The following SSU72 variants were observed in gnomAD, a reference collection of about 807,000 sequenced individuals.
SSU72 encodes the protein SSU72 homolog, RNA polymerase II CTD phosphatase.
A neutral mutation model predicts 22.7 loss-of-function variants in SSU72; 12 were observed. The ratio of observed to expected loss-of-function variants is 0.53; its 90% CI spans 0.34 to 0.86. The LOEUF (loss-of-function observed/expected upper bound fraction) is 0.86. Among genes scored for constraint, SSU72 ranks in the 40% least tolerant of loss-of-function variants. The pLI is 0.02. For missense variants in SSU72, 151 were observed against 249.8 expected, an observed-to-expected ratio of 0.60 and a Z score of 2.67; for synonymous variants, 116 against 98.3, an observed-to-expected ratio of 1.18 and a Z score of -1.06.
At chr1:1,545,166 C>T in intron 2 of SSU72, 164 bp from the exon 3 acceptor site, 1 of 776,486 alleles carries the variant, frequency 1.3e-6, no homozygotes, top group Non-Finnish European at 2.1e-6. Context: ...GCAGGGGCCT[C>T]ACTGTCCTAG....
intron 1 of SSU72, among the ~76,000 whole-genome samples, chr1:1,570,105 T>C (rs910364343): frequency 6.6e-6 from 1 of 151,368 alleles, no homozygotes; most frequent in African/African-American, 2.4e-5. Flanking sequence ...CCCAAATCAA[T>C]AGACAAAGGA....
intron 2 of SSU72, among the ~76,000 whole-genome samples, chr1:1,548,182 C>G (rs991613320): frequency 2.0e-5 from 3 of 152,200 alleles, no homozygotes; most frequent in African/African-American, 7.2e-5. Context: ...TCAGGGACCA[C>G]GTTCAGTAGA....
At position 1,554,797 on chromosome 1, in the gene SSU72, G is replaced by A. The variant is rs1011252008; in HGVS notation, c.225-9795C>T. Among the ~76,000 whole-genome samples the A allele has an allele frequency of 2.6e-5, 4 of 152,178 alleles. No individual in the cohort carries two copies. Among genetic ancestry groups the A allele is most frequent in the Non-Finnish European group, 5.9e-5 (4 of 68,032 alleles). On this transcript the variant is annotated intron_variant, in intron 2 of 4. Transcript: ENST00000291386. The surrounding 1 kb of genome is among the most constrained non-coding windows in gnomAD (Gnocchi z 4.1). ...AGGCACTGGAGCCACGAAAGCAACA[G>A]CCCTGGGCAGCCCAGCACCATCCTG...
rs144739836 is a variant in SSU72, at chr1:1,541,779, C to T, written c.*287G>A. The T allele has an allele frequency of 6.8e-5, 28 of 412,042 alleles. No individual in the cohort carries two copies. The highest frequency in any genetic ancestry group is 3.7e-4 in the African/African-American group (18 of 48,916). The allele number at this position is 412,042 out of a possible 1,614,324, so 25.5% of individuals were successfully genotyped here. ...GGAGGAGGGAGGGAAGGCAGGCACACGAAGACACAGGTATGTCGGGAAGTG... is the reference window on the plus strand; with the variant it reads ...GGAGGAGGGAGGGAAGGCAGGCACATGAAGACACAGGTATGTCGGGAAGTG... On this transcript the variant is annotated 3_prime_UTR_variant, in exon 5 of 5. Coordinates refer to ENST00000291386, the MANE Select transcript of SSU72 (RefSeq NM_014188.3).
chr1:1,571,685 T>C (rs1642733186), intron 1 of SSU72, among the ~76,000 whole-genome samples: 1 of 152,200 alleles, frequency 6.6e-6, no homozygotes, highest in South Asian at 2.1e-4. Flanking sequence ...CTGGCCACTC[T>C]GAACTAAAAA....
intron 1 of SSU72, among the ~76,000 whole-genome samples, chr1:1,573,925 G>A (rs1175696224): frequency 2.6e-5 from 4 of 151,810 alleles, no homozygotes; most frequent in Non-Finnish European, 5.9e-5. Flanking sequence ...CGGCCAGTTA[G>A]CAGGGAATAT....
At chr1:1,553,307 G>A (rs1019257854) in intron 2 of SSU72, among the ~76,000 whole-genome samples, 3 of 151,934 alleles carry the variant, frequency 2.0e-5, no homozygotes, top group African/African-American at 7.3e-5. Flanking sequence ...CTCCACCCCA[G>A]GACATTCCAG....
chr1:1,572,892 G>T (rs75408849), intron 1 of SSU72, among the ~76,000 whole-genome samples: 1 of 112,298 alleles, frequency 8.9e-6, no homozygotes, highest in African/African-American at 3.5e-5. Flanking sequence ...GGGGGGGGGT[G>T]AGCCTTGCAT....
chr1:1,546,808 A>G (rs949630900), intron 2 of SSU72, among the ~76,000 whole-genome samples: 1 of 145,938 alleles, frequency 6.9e-6, no homozygotes, highest in Admixed American at 7.1e-5. Context: ...ACACCACGGC[A>G]CTTCGGCCTG....
rs549525829 is a variant in SSU72 at position 1,552,086 on chromosome 1, G to A, written c.225-7084C>T. The stretch of plus-strand genomic sequence containing the variant: ...GTTCCGACCCGGCACTCTGCTACAC[G>A]TGTGCAGCAGCAGATGCTCTGGAGG... On this transcript the variant is annotated intron_variant, in intron 2 of 4. Coordinates refer to ENST00000291386, the MANE Select transcript of SSU72 (RefSeq NM_014188.3). 3.3e-5 allele frequency among the ~76,000 whole-genome samples: 5 copies of A among 152,346 alleles called. No individual in the cohort carries two copies. The East Asian group carries it at 5.8e-4, about 18-fold the overall frequency.
intron 1 of SSU72, among the ~76,000 whole-genome samples, chr1:1,567,048 C>T (rs1488868959): frequency 3.3e-5 from 5 of 152,218 alleles, no homozygotes; most frequent in Admixed American, 6.5e-5. Flanking sequence ...CATACACGTG[C>T]CTCTGCAACA....
chr1:1,543,204 C>T (rs1642346338), intron 4 of SSU72, among the ~76,000 whole-genome samples: 1 of 152,186 alleles, frequency 6.6e-6, no homozygotes, highest in Admixed American at 6.5e-5. Flanking sequence ...CATGCAGGGC[C>T]CACTGGGGAA....
chr1:1,564,128 G>A (rs1033066577), intron 2 of SSU72: 25 of 166,496 alleles, frequency 1.5e-4, no homozygotes, highest in African/African-American at 6.0e-4. Context: ...GAAATGCCTG[G>A]TCAAAAACCC....
Position 1,542,034 on chromosome 1 carries a change from G to A in SSU72, c.*32C>T. ...AAGGAAAAAGTATGAACAACAGGAA[G>A]CTCCAGAGGCGGCTCCATGCGGGCG... is the stretch of plus-strand genomic sequence containing the variant. On this transcript the variant is annotated 3_prime_UTR_variant, in exon 5 of 5. Transcript: ENST00000291386. This position sits in a 1 kb window ranked among gnomAD's most constrained non-coding sequence, Gnocchi z 4.4. The A allele has an allele frequency of 6.5e-7, 1 of 1,547,378 alleles. No individual in the cohort carries two copies. Among genetic ancestry groups the A allele is most frequent in the Non-Finnish European group, 8.8e-7 (1 of 1,141,470 alleles).
In SSU72 at chr1:1,574,739, G is replaced by T; in HGVS notation, c.-182C>A. The T allele has an allele frequency of 2.3e-6, 1 of 427,892 alleles. No individual in the cohort carries two copies. The allele number at this position is 427,892 out of a possible 1,614,324, so 26.5% of individuals were successfully genotyped here. ...CGCCCACCCTGGGCGCCGGGCCGCG[G>T]ACGGAGCGCAGGCACTGGCCTTCGG... On this transcript the variant is annotated 5_prime_UTR_variant, in exon 1 of 5. Transcript: ENST00000291386.
In SSU72 at chr1:1,541,828, T is replaced by A. The variant is rs1031804421; in HGVS notation, c.*238A>T. On this transcript the variant is annotated 3_prime_UTR_variant, in exon 5 of 5. Coordinates refer to ENST00000291386, the MANE Select transcript of SSU72 (RefSeq NM_014188.3). ...TGCACACAAACCGTTGTCTTTCCTT[T>A]TTGGTTAAAGAAGAAAAACTTTGTA... 2.0e-6 allele frequency: 1 copy of A among 509,028 alleles called. No homozygotes were observed. The highest frequency in any genetic ancestry group is 3.6e-6 in the Non-Finnish European group (1 of 280,956). 31.5% of individuals were successfully genotyped at this position (509,028 alleles called of 1,614,324 possible).
At chr1:1,563,029 C>G (rs1032156162) in intron 2 of SSU72, 1 of 152,350 alleles carries the variant, frequency 6.6e-6, no homozygotes. Flanking sequence ...GCAGGCAGGC[C>G]GGGCTGGGGA....
At chr1:1,568,247 G>A (rs1310448816) in intron 1 of SSU72, among the ~76,000 whole-genome samples, 1 of 152,168 alleles carries the variant, frequency 6.6e-6, no homozygotes, top group African/African-American at 2.4e-5. Flanking sequence ...AAGGGCCAAC[G>A]CCTTTGTAAA....
intron 2 of SSU72, chr1:1,564,477 A>C: frequency 6.8e-7 from 1 of 1,475,236 alleles, no homozygotes; most frequent in African/African-American, 1.4e-5. Context: ...TGTGGGTTCC[A>C]CCTCCTCACC....
Sources: allele counts gnomAD v4.1 joint callset (sites outside exome capture counted in the v4.1 genomes callset), GRCh38; gene constraint gnomAD v4.1.1; non-coding constraint Gnocchi (gnomAD v3.1); transcripts MANE v1.5; gene names NCBI Gene and HGNC (gene_info 2026-07-23, HGNC 2026-07-21).